Variants in ELAVL4 observed in about 807,000 individuals in gnomAD.
ELAVL4 encodes the protein ELAV-like protein 4.
A neutral mutation model predicts 35.6 loss-of-function variants in ELAVL4; 1 was observed. The ratio of observed to expected loss-of-function variants is 0.03; its 90% CI spans 0.01 to 0.13. ELAVL4 has a LOEUF of 0.13. ELAVL4 is among the 10% of genes least tolerant of loss of function. ELAVL4 has a pLI of 1.00. For synonymous variants in ELAVL4, 156 were observed against 171.0 expected (o/e 0.91, Z 0.69); for missense variants, 267 against 464.9 (o/e 0.57, Z 3.91).
At chr1:50,148,085 G>A (rs959044965) in intron 2 of ELAVL4, among the ~76,000 whole-genome samples, 3 of 152,142 alleles carry the variant, frequency 2.0e-5, no homozygotes, top group East Asian at 1.9e-4. Context: ...CATCTGTGCT[G>A]GATACTTGCT....
intron 1 of ELAVL4, among the ~76,000 whole-genome samples, chr1:50,116,170 T>C (rs1378996466): frequency 6.6e-6 from 1 of 152,146 alleles, no homozygotes; most frequent in East Asian, 1.9e-4. Context: ...AAGGAACTTG[T>C]CTTTCAGTCA....
intron 1 of ELAVL4, among the ~76,000 whole-genome samples, chr1:50,095,121 G>A (rs1309546883): frequency 1.3e-5 from 2 of 152,144 alleles, no homozygotes; most frequent in Non-Finnish European, 2.9e-5. Flanking sequence ...TAACAGACAA[G>A]GAGGCTTGAG....
At chr1:50,060,169 A>C (rs1438475636) in intron 1 of ELAVL4, among the ~76,000 whole-genome samples, 1 of 152,226 alleles carries the variant, frequency 6.6e-6, no homozygotes, top group Non-Finnish European at 1.5e-5. Flanking sequence ...TGTATGCCCT[A>C]AAGTTTACCT....
intron 1 of ELAVL4, among the ~76,000 whole-genome samples, chr1:50,048,694 T>A (rs1663199622): frequency 6.6e-6 from 1 of 152,138 alleles, no homozygotes; most frequent in Admixed American, 6.5e-5. Context: ...TCGCTAATTG[T>A]CTCACAGGGA....
At chr1:50,168,232 G>A (rs1468285691) in intron 2 of ELAVL4, among the ~76,000 whole-genome samples, 2 of 152,278 alleles carry the variant, frequency 1.3e-5, no homozygotes, top group African/African-American at 4.8e-5. Flanking sequence ...GGGAAGAGAA[G>A]GCAGGGTGGC....
chr1:50,058,110 T>A (rs551341792), intron 1 of ELAVL4, among the ~76,000 whole-genome samples: 4 of 152,314 alleles, frequency 2.6e-5, no homozygotes, highest in Admixed American at 2.6e-4. Flanking sequence ...GGGGAAGTGA[T>A]CAGAGTAAAC....
chr1:50,178,793 G>C (rs1049480036), intron 3 of ELAVL4, among the ~76,000 whole-genome samples: 1 of 152,132 alleles, frequency 6.6e-6, no homozygotes, highest in Admixed American at 6.5e-5. Flanking sequence ...GTATTTGTAG[G>C]TTTGATTGAT....
intron 2 of ELAVL4, among the ~76,000 whole-genome samples, chr1:50,173,514 A>G (rs925796502): frequency 3.3e-5 from 5 of 152,228 alleles, no homozygotes; most frequent in African/African-American, 1.2e-4. Flanking sequence ...GTGACCATTC[A>G]CACATGCCTG....
intron 1 of ELAVL4, among the ~76,000 whole-genome samples, chr1:50,131,946 A>G (rs116238900): frequency 0.01 from 1,593 of 152,090 alleles, 24 homozygotes; most frequent in African/African-American, 0.037. Flanking sequence ...CACACAGAAA[A>G]CTATAGATTT....
intron 3 of ELAVL4, among the ~76,000 whole-genome samples, chr1:50,190,496 G>A (rs1205200610): frequency 1.3e-5 from 2 of 152,194 alleles, no homozygotes; most frequent in Non-Finnish European, 2.9e-5. Context: ...ACAGGAAACT[G>A]AGAGAACAAT....
At chr1:50,161,246 C>T (rs1024071475) in intron 2 of ELAVL4, among the ~76,000 whole-genome samples, 3 of 152,080 alleles carry the variant, frequency 2.0e-5, no homozygotes, top group African/African-American at 7.2e-5. Context: ...CCAAAATCAT[C>T]CTCTTTTTTT....
chr1:50,140,862 T>C (rs1187257725), intron 1 of ELAVL4, among the ~76,000 whole-genome samples: 2 of 152,174 alleles, frequency 1.3e-5, no homozygotes, highest in African/African-American at 4.8e-5. Context: ...ACCTAATTTA[T>C]AGATGTGGTC....
At chr1:50,143,715 G>C (rs1362548247) in intron 1 of ELAVL4, among the ~76,000 whole-genome samples, 1 of 152,156 alleles carries the variant, frequency 6.6e-6, no homozygotes, top group Non-Finnish European at 1.5e-5. Flanking sequence ...GACAAATAGA[G>C]GACGGTGTAA....
intron 3 of ELAVL4, among the ~76,000 whole-genome samples, chr1:50,187,860 C>T (rs1572594759): frequency 6.6e-6 from 1 of 152,176 alleles, no homozygotes; most frequent in Admixed American, 6.5e-5. Flanking sequence ...CTTTGAGAGG[C>T]TGAGACGAGC....
chr1:50,132,260 T>C (rs571251089), intron 1 of ELAVL4, among the ~76,000 whole-genome samples: 5 of 152,318 alleles, frequency 3.3e-5, no homozygotes, highest in Middle Eastern at 6.8e-3. Flanking sequence ...TCCTTGAAGA[T>C]GGAGCACAGA....
At chr1:50,078,320 A>G (rs1664859055) in intron 1 of ELAVL4, among the ~76,000 whole-genome samples, 1 of 152,092 alleles carries the variant, frequency 6.6e-6, no homozygotes, top group Admixed American at 6.6e-5. Flanking sequence ...TGAGTGGAGA[A>G]CTAGGGAGTG....
chr1:50,065,258 G>A (rs534883034), intron 1 of ELAVL4, among the ~76,000 whole-genome samples: 1 of 152,114 alleles, frequency 6.6e-6, no homozygotes, highest in South Asian at 2.1e-4. Context: ...TATAGAAATG[G>A]CCTTTTGAGT....
At chr1:50,199,704 T>G (rs543800824) in intron 6 of ELAVL4, among the ~76,000 whole-genome samples, 4 of 148,240 alleles carry the variant, frequency 2.7e-5, no homozygotes, top group Admixed American at 1.4e-4. Flanking sequence ...TGAGACTCCA[T>G]CTCAAAAAAA....
chr1:50,161,872 G>C (rs1048857961), intron 2 of ELAVL4, among the ~76,000 whole-genome samples: 3 of 152,154 alleles, frequency 2.0e-5, no homozygotes, highest in African/African-American at 7.2e-5. Context: ...TTATACATGT[G>C]AGCCACTGCA....
Sources: allele counts gnomAD v4.1 joint callset (sites outside exome capture counted in the v4.1 genomes callset), GRCh38; gene constraint gnomAD v4.1.1; transcripts MANE v1.5; gene names NCBI Gene and HGNC (gene_info 2026-07-23, HGNC 2026-07-21).